The following CHCHD6 variants were observed in gnomAD, a reference collection of about 807,000 sequenced individuals.
The protein encoded by CHCHD6 is MICOS complex subunit MIC25.
A neutral mutation model predicts 32.3 loss-of-function variants in CHCHD6; 28 were observed. That is an observed-to-expected ratio of 0.87 (90% CI 0.64 to 1.19). The LOEUF is 1.19. CHCHD6 is among the 50% of genes most tolerant of loss of function. The pLI, the probability that CHCHD6 is intolerant of heterozygous loss-of-function variation, is 0.00. For missense variants in CHCHD6, 333 were observed against 307.0 expected (o/e 1.08, Z -0.63); for synonymous variants, 122 against 117.5 (o/e 1.04, Z -0.25).
At position 126,727,072 on chromosome 3, in the gene CHCHD6, C is replaced by T. The variant is rs1473330401; in HGVS notation, c.88-6C>T. On this transcript the variant is annotated splice_polypyrimidine_tract_variant and splice_region_variant and intron_variant, in intron 1 of 7. Transcript: ENST00000290913. ...TTTTTCTTTTCCCTCTTTTCTGCTT[C>T]CTTAGCTGTCTGAAAACGTGGTGAA... The T allele has an allele frequency of 6.2e-7, 1 of 1,606,644 alleles. No homozygotes were observed. Among genetic ancestry groups the T allele is most frequent in the Non-Finnish European group, 8.5e-7 (1 of 1,173,342 alleles).
At chr3:126,946,513 C>G (rs1018514198) in intron 6 of CHCHD6, among the ~76,000 whole-genome samples, 7 of 152,146 alleles carry the variant, frequency 4.6e-5, no homozygotes, top group African/African-American at 1.7e-4. Flanking sequence ...GGCTCTCTCG[C>G]AAGCCTCAGC....
At chr3:126,864,451 T>A (rs1576520870) in intron 5 of CHCHD6, among the ~76,000 whole-genome samples, 1 of 89,842 alleles carries the variant, frequency 1.1e-5, no homozygotes, top group South Asian at 4.3e-4. Flanking sequence ...CCATCATCAC[T>A]GCCACCACCA....
At chr3:126,911,894 C>A (rs908786368) in intron 5 of CHCHD6, among the ~76,000 whole-genome samples, 1 of 152,144 alleles carries the variant, frequency 6.6e-6, no homozygotes, top group Non-Finnish European at 1.5e-5. Flanking sequence ...CACTCAGGAG[C>A]CCTGTGGGCA....
intron 6 of CHCHD6, among the ~76,000 whole-genome samples, chr3:126,950,565 C>G (rs2107607531): frequency 6.6e-6 from 1 of 152,360 alleles, no homozygotes; most frequent in Admixed American, 6.5e-5. Flanking sequence ...ATTCTCCTGC[C>G]TCAGCCTCCC....
intron 5 of CHCHD6, among the ~76,000 whole-genome samples, chr3:126,868,022 C>G (rs1942346799): frequency 6.6e-6 from 1 of 152,198 alleles, no homozygotes; most frequent in Non-Finnish European, 1.5e-5. Context: ...CCAGTCACAC[C>G]TGGCATGCAG....
intron 7 of CHCHD6, among the ~76,000 whole-genome samples, chr3:126,959,961 G>T (rs1295028105): frequency 6.6e-6 from 1 of 152,234 alleles, no homozygotes; most frequent in South Asian, 2.1e-4. Flanking sequence ...GGAAAGGGGA[G>T]CGGGTTCTGG....
At chr3:126,802,154 T>C (rs1236416877) in intron 4 of CHCHD6, among the ~76,000 whole-genome samples, 2 of 151,972 alleles carry the variant, frequency 1.3e-5, no homozygotes, top group Admixed American at 1.3e-4. Flanking sequence ...AAAAGCAGAG[T>C]GCCTCTCCTC....
chr3:126,825,417 T>C (rs1940346639), intron 4 of CHCHD6, among the ~76,000 whole-genome samples: 1 of 152,246 alleles, frequency 6.6e-6, no homozygotes, highest in Non-Finnish European at 1.5e-5. Flanking sequence ...GTGTTCTGTA[T>C]ATGTCAATTC....
intron 5 of CHCHD6, among the ~76,000 whole-genome samples, chr3:126,859,449 G>T (rs112406464): frequency 2.6e-5 from 4 of 152,214 alleles, no homozygotes; most frequent in African/African-American, 9.6e-5. Context: ...ACTTGGAGAA[G>T]GTTGTAAATT....
rs565746669 is a variant in CHCHD6, at chr3:126,881,567, A to C, written c.495+28837A>C. Among the ~76,000 whole-genome samples the C allele has an allele frequency of 3.3e-5, 5 of 152,296 alleles. No individual in the cohort carries two copies. The South Asian group carries it at 1.0e-3, about 32-fold the overall frequency. The stretch of plus-strand genomic sequence containing the variant: ...CTGACCCTCATTGCCCATCATGAGA[A>C]ATTAATCACTAATACCACAAGTCGT... On this transcript the variant is annotated intron_variant, in intron 5 of 7. Coordinates refer to ENST00000290913, the MANE Select transcript of CHCHD6 (RefSeq NM_032343.3).
At chr3:126,794,158 A>G (rs538353811) in intron 4 of CHCHD6, among the ~76,000 whole-genome samples, 11 of 152,088 alleles carry the variant, frequency 7.2e-5, no homozygotes, top group African/African-American at 9.6e-5. Context: ...GAAATTTTCA[A>G]TCATTATTTC....
chr3:126,852,625 G>A, intron 4 of CHCHD6, 22 bp from the exon 5 acceptor site: 2 of 1,601,650 alleles, frequency 1.2e-6, no homozygotes, highest in Non-Finnish European at 8.6e-7. Context: ...GGCTAACGTG[G>A]GCTTTGTTCT....
chr3:126,781,140 G>A (rs1417007489), intron 4 of CHCHD6, among the ~76,000 whole-genome samples: 2 of 152,156 alleles, frequency 1.3e-5, no homozygotes, highest in African/African-American at 2.4e-5. Flanking sequence ...TGAGATCAGA[G>A]GCATGAAGTA....
intron 4 of CHCHD6, among the ~76,000 whole-genome samples, chr3:126,779,408 G>A (rs545167583): frequency 5.9e-5 from 9 of 151,998 alleles, no homozygotes; most frequent in South Asian, 4.2e-4. Flanking sequence ...ATGGTGGCGC[G>A]TGCCTGTACT....
At chr3:126,877,321 C>T (rs1037730681) in intron 5 of CHCHD6, among the ~76,000 whole-genome samples, 8 of 152,012 alleles carry the variant, frequency 5.3e-5, no homozygotes, top group African/African-American at 1.7e-4. Flanking sequence ...TTTGGGAGGC[C>T]GAGGTGGGTG....
intron 7 of CHCHD6, among the ~76,000 whole-genome samples, chr3:126,958,912 C>G (rs532329744): frequency 2.6e-5 from 4 of 152,232 alleles, no homozygotes; most frequent in Non-Finnish European, 4.4e-5. Flanking sequence ...AGATCCTCCA[C>G]ACACCCAATC....
intron 6 of CHCHD6, among the ~76,000 whole-genome samples, chr3:126,935,504 C>G (rs1348572399): frequency 6.6e-6 from 1 of 152,194 alleles, no homozygotes; most frequent in Non-Finnish European, 1.5e-5. Flanking sequence ...AGTTCTGGGG[C>G]TGGTGAGTGC....
chr3:126,709,877 T>C (rs752160852), intron 1 of CHCHD6, among the ~76,000 whole-genome samples: 1 of 152,200 alleles, frequency 6.6e-6, no homozygotes, highest in Non-Finnish European at 1.5e-5. Context: ...TTGTGCATAG[T>C]AGGTGTGTGT....
chr3:126,937,040 C>T (rs2078490368), intron 6 of CHCHD6, among the ~76,000 whole-genome samples: 1 of 152,234 alleles, frequency 6.6e-6, no homozygotes, highest in Non-Finnish European at 1.5e-5. Context: ...GAGGAATTTG[C>T]TCCAGGTCAT....
Sources: allele counts gnomAD v4.1 joint callset (sites outside exome capture counted in the v4.1 genomes callset), GRCh38; gene constraint gnomAD v4.1.1; transcripts MANE v1.5; gene names NCBI Gene and HGNC (gene_info 2026-07-23, HGNC 2026-07-21).